Variants in TMED3 observed in about 807,000 individuals in gnomAD.
TMED3 encodes transmembrane emp24 domain-containing protein 3.
TMED3 carries 9 observed loss-of-function variants against 15.0 expected under a neutral mutation model. That is an observed-to-expected ratio of 0.60 (90% CI 0.36 to 1.04). The LOEUF is 1.04. Ranked by LOEUF, TMED3 falls within the 50% of genes least tolerant of loss-of-function variation. The probability of loss-of-function intolerance (pLI) is 0.01; values close to 1 mark genes in which losing one functional copy is unlikely to be tolerated. For missense variants in TMED3, 267 were observed against 278.9 expected, an observed-to-expected ratio of 0.96 and a Z score of 0.30; for synonymous variants, 117 against 121.4, an observed-to-expected ratio of 0.96 and a Z score of 0.24.
chr15:79,349,896 T>G (rs1439435009), intron 2 of TMED3, among the ~76,000 whole-genome samples: 1 of 152,244 alleles, frequency 6.6e-6, no homozygotes, highest in Non-Finnish European at 1.5e-5. Context: ...TTCAGAAAGC[T>G]TCTCTGACCA....
chr15:79,354,751 C>T (rs766234058), intron 2 of TMED3, among the ~76,000 whole-genome samples: 16 of 152,288 alleles, frequency 1.1e-4, no homozygotes, highest in Middle Eastern at 3.4e-3. Context: ...AGCAAAGATA[C>T]TGCCAATCCC....
chr15:79,354,131 G>A (rs2058909197), intron 2 of TMED3, among the ~76,000 whole-genome samples: 1 of 152,164 alleles, frequency 6.6e-6, no homozygotes, highest in Admixed American at 6.5e-5. Flanking sequence ...ATTGAGGTGT[G>A]TAGTTTCTGA....
exon 3 of TMED3, chr15:79,413,599 G>C (rs1486039565): frequency 6.6e-6 from 1 of 152,256 alleles, no homozygotes; most frequent in Admixed American, 6.5e-5. Flanking sequence ...AGTGCTGAAG[G>C]TGTGTTCATT....
intron 2 of TMED3, among the ~76,000 whole-genome samples, chr15:79,382,276 C>G (rs963327861): frequency 1.3e-5 from 2 of 152,146 alleles, no homozygotes; most frequent in Non-Finnish European, 2.9e-5. Context: ...TACTGAGGAA[C>G]TGAACTGGAA....
chr15:79,410,457 C>T (rs1433690090), intron 2 of TMED3, among the ~76,000 whole-genome samples: 7 of 151,990 alleles, frequency 4.6e-5, no homozygotes, highest in Admixed American at 4.6e-4. Flanking sequence ...GTGATGTGGC[C>T]AGCAAAAGAG....
At chr15:79,351,752 A>G (rs1445687749) in intron 2 of TMED3, among the ~76,000 whole-genome samples, 1 of 152,200 alleles carries the variant, frequency 6.6e-6, no homozygotes, top group Non-Finnish European at 1.5e-5. Flanking sequence ...AGAAGTCATT[A>G]TATGAAAAAG....
chr15:79,401,539 G>A (rs1893833648), intron 2 of TMED3, among the ~76,000 whole-genome samples: 1 of 152,082 alleles, frequency 6.6e-6, no homozygotes, highest in Admixed American at 6.5e-5. Flanking sequence ...GTAGAGGGCA[G>A]GGATGTTGCT....
chr15:79,377,892 C>A (rs191108884), intron 2 of TMED3, among the ~76,000 whole-genome samples: 1 of 151,970 alleles, frequency 6.6e-6, no homozygotes, highest in African/African-American at 2.4e-5. Context: ...ATGATCCGCC[C>A]GCCTTGGCCT....
chr15:79,321,919 G>A, intron 2 of TMED3, 59 bp from the exon 3 acceptor site: 2 of 1,576,912 alleles, frequency 1.3e-6, no homozygotes, highest in Non-Finnish European at 1.7e-6. Flanking sequence ...TTTGCTGTTT[G>A]CTGGATCCCA....
intron 2 of TMED3, among the ~76,000 whole-genome samples, chr15:79,318,532 G>C (rs2058750610): frequency 1.3e-5 from 2 of 152,272 alleles, no homozygotes; most frequent in South Asian, 4.2e-4. Context: ...GGGATCACCA[G>C]GGTGATGTAA....
chr15:79,352,935 TA>T (rs1271309826), intron 2 of TMED3, among the ~76,000 whole-genome samples: 14 of 99,350 alleles, frequency 1.4e-4, no homozygotes, highest in East Asian at 6.1e-4. Flanking sequence ...ATATAATATA[TA>T]TACATATATA....
intron 2 of TMED3, among the ~76,000 whole-genome samples, chr15:79,338,195 A>C (rs888224967): frequency 6.6e-6 from 1 of 152,240 alleles, no homozygotes; most frequent in African/African-American, 2.4e-5. Flanking sequence ...CTGGGAATTG[A>C]AGATAGAAAT....
chr15:79,344,179 G>A (rs937906710), intron 2 of TMED3, among the ~76,000 whole-genome samples: 1 of 152,180 alleles, frequency 6.6e-6, no homozygotes, highest in Non-Finnish European at 1.5e-5. Context: ...AAAGACAGAA[G>A]GAACCCCCCA....
chr15:79,322,905 G>A (rs983840625), downstream of TMED3: 5 of 984,834 alleles, frequency 5.1e-6, no homozygotes, highest in East Asian at 3.4e-4. Context: ...GAGCATGGGT[G>A]TGTGCATAAA....
At chr15:79,389,794 G>A (rs761772159) in intron 2 of TMED3, among the ~76,000 whole-genome samples, 3 of 152,006 alleles carry the variant, frequency 2.0e-5, no homozygotes, top group Non-Finnish European at 4.4e-5. Context: ...TTCTTGTAGA[G>A]GTCTTTTGCC....
chr15:79,362,121 T>C (rs540192828), intron 2 of TMED3, among the ~76,000 whole-genome samples: 2 of 152,190 alleles, frequency 1.3e-5, no homozygotes, highest in African/African-American at 4.8e-5. Context: ...AATATAATGC[T>C]AATGAAAATC....
intron 1 of TMED3, among the ~76,000 whole-genome samples, chr15:79,313,165 C>T (rs2058724394): frequency 6.6e-6 from 1 of 152,036 alleles, no homozygotes; most frequent in African/African-American, 2.4e-5. Context: ...TGCCCTAAAT[C>T]AGTGATTTGC....
chr15:79,316,130 T>C (rs2058739408), intron 2 of TMED3: 1 of 152,314 alleles, frequency 6.6e-6, no homozygotes, highest in Non-Finnish European at 1.5e-5. Context: ...CTCCCCAGAC[T>C]TCTTGCAGCA....
chr15:79,318,989 A>C (rs1437677158), intron 2 of TMED3, among the ~76,000 whole-genome samples: 2 of 152,232 alleles, frequency 1.3e-5, no homozygotes, highest in Non-Finnish European at 2.9e-5. Context: ...AGGGAAGTGA[A>C]GAAGTCCAAT....
Sources: gnomAD v4.1 joint callset for allele counts (sites outside exome capture counted in the v4.1 genomes callset) on GRCh38, gnomAD v4.1.1 for gene constraint, MANE v1.5 for transcripts, NCBI Gene and HGNC (gene_info 2026-07-23, HGNC 2026-07-21) for gene names.